Variants in CLIP1 observed in about 807,000 individuals in gnomAD.
CLIP1 encodes CAP-Gly domain-containing linker protein 1.
CLIP1 carries 66 observed loss-of-function variants against 161.6 expected under a neutral mutation model. That is an observed-to-expected ratio of 0.41 (90% CI 0.33 to 0.50). CLIP1 has a LOEUF of 0.50. Ranked by LOEUF, CLIP1 falls within the 20% of genes least tolerant of loss-of-function variation. The pLI is 0.27. For missense variants in CLIP1, 1,376 were observed against 1,702.0 expected, an observed-to-expected ratio of 0.81 and a Z score of 3.37; for synonymous variants, 598 against 626.2, an observed-to-expected ratio of 0.96 and a Z score of 0.67.
At chr12:122,352,672 G>A (rs371526799) in intron 8 of CLIP1, 54 bp downstream of exon 8, 26 of 1,432,028 alleles carry the variant, frequency 1.8e-5, no homozygotes, top group African/African-American at 7.0e-5. Context: ...TATTTCGCCC[G>A]TGTTCTGAAT....
In CLIP1 at chr12:122,377,706, A is replaced by C. The variant is rs1954813470; in HGVS notation, c.340T>G (p.Leu114Val). Residue 114 changes from leucine to valine, a missense_variant, in exon 3 of 26, where the codon TTA (leucine) becomes GTA (valine). By Grantham distance (32) the Leu-to-Val change is conservative (BLOSUM62 1). Around this residue, in one of 6 missense-constraint regions of CLIP1, gnomAD observed 119 missense variants for 112.0 expected, o/e 1.06. Coordinates refer to ENST00000620786, the MANE Select transcript of CLIP1 (RefSeq NM_001247997.2). The stretch of plus-strand genomic sequence containing the variant: ...GAAGGTCGGGTAAATATGCCCTTTA[A>C]AGGTTCACACTGGAAATACCGAACT... Reference protein sequence around the residue: ...AGVRYFQCEPLKGIFTRPSKL... With the variant: ...AGVRYFQCEPVKGIFTRPSKL... The C allele has an allele frequency of 6.2e-7, 1 of 1,613,598 alleles. No homozygotes were observed. The highest frequency in any genetic ancestry group is 1.3e-5 in the African/African-American group (1 of 74,806).
At chr12:122,413,576 T>C (rs1226696665) in intron 1 of CLIP1, among the ~76,000 whole-genome samples, 1 of 152,182 alleles carries the variant, frequency 6.6e-6, no homozygotes, top group Non-Finnish European at 1.5e-5. Flanking sequence ...AAGTCGGAAG[T>C]ATTTTAGAGC....
intron 1 of CLIP1, among the ~76,000 whole-genome samples, chr12:122,415,160 AC>A (rs768409802): frequency 2.5e-4 from 38 of 152,308 alleles, no homozygotes; most frequent in Non-Finnish European, 5.0e-4. Context: ...CTTGGCAAAT[AC>A]TGACGACTGA....
intron 1 of CLIP1, among the ~76,000 whole-genome samples, chr12:122,410,857 A>G (rs983942811): frequency 1.3e-5 from 2 of 152,208 alleles, no homozygotes; most frequent in African/African-American, 2.4e-5. Context: ...AGGATGTTCA[A>G]TATTACTAGC....
intron 8 of CLIP1, among the ~76,000 whole-genome samples, chr12:122,352,353 G>A (rs534157118): frequency 1.3e-5 from 2 of 152,142 alleles, no homozygotes; most frequent in African/African-American, 2.4e-5. Flanking sequence ...CACCGCACCC[G>A]GCCTGTTATG....
At chr12:122,387,576 ATATATATATATATATTTTTTT>A (rs1469654184) in intron 1 of CLIP1, among the ~76,000 whole-genome samples, 2 of 3,100 alleles carry the variant, frequency 6.5e-4, no homozygotes, top group African/African-American at 1.1e-3. Flanking sequence ...ATATATATAT[ATATATATATATATATTTTTTT>A]TTTTTTTTTT....
intron 3 of CLIP1, chr12:122,364,705 C>A: frequency 1.9e-6 from 1 of 516,030 alleles, no homozygotes; most frequent in Non-Finnish European, 3.8e-6. Context: ...ACTCTTGGAC[C>A]TCACTTTATT....
intron 3 of CLIP1, among the ~76,000 whole-genome samples, chr12:122,369,627 G>A (rs756090498): frequency 6.6e-6 from 1 of 151,628 alleles, no homozygotes; most frequent in South Asian, 2.1e-4. Context: ...GGGAGAAATG[G>A]ACAATAAGCA....
At chr12:122,363,733 A>G (rs1953992373) in intron 4 of CLIP1, among the ~76,000 whole-genome samples, 1 of 151,048 alleles carries the variant, frequency 6.6e-6, no homozygotes, top group Non-Finnish European at 1.5e-5. Flanking sequence ...GGTATTTCCT[A>G]TTTTGAAAAA....
intron 1 of CLIP1, among the ~76,000 whole-genome samples, chr12:122,381,113 T>C (rs1954993582): frequency 6.6e-6 from 1 of 152,112 alleles, no homozygotes. Flanking sequence ...ATATATCTAA[T>C]GTTCTTAGCT....
chr12:122,309,232 T>C (rs575115669), intron 20 of CLIP1, among the ~76,000 whole-genome samples: 1 of 152,230 alleles, frequency 6.6e-6, no homozygotes, highest in South Asian at 2.1e-4. Context: ...TAACATATAT[T>C]CTATATTTAC....
rs1180616358 is a variant in CLIP1, at chr12:122,360,969, C to T, written c.995G>A (p.Arg332Gln). The T allele has an allele frequency of 5.6e-6, 9 of 1,612,260 alleles. No homozygotes were observed. The highest frequency in any genetic ancestry group is 1.3e-5 in the African/African-American group (1 of 75,046). The change falls in exon 5 of 26, where the codon CGG becomes CAG. Residue 332 changes from arginine to glutamine, a missense_variant. Arg to Gln is a conservative substitution (Grantham distance 43). Coordinates refer to ENST00000620786, the MANE Select transcript of CLIP1 (RefSeq NM_001247997.2). ...VASSVSSRPS[R>Q]TGLLTETSSR... ...AGAAAGGGGCCTTACTAGTCCTGTC[C>T]GACTGGGCCTGCTGCTCACAGAGGA...
chr12:122,296,530 G>A (rs1452414823), intron 20 of CLIP1, among the ~76,000 whole-genome samples: 2 of 152,140 alleles, frequency 1.3e-5, no homozygotes, highest in African/African-American at 4.8e-5. Context: ...TGGCAATGAA[G>A]AGGAGTAATA....
chr12:122,330,140 A>G (rs1191668906), intron 15 of CLIP1, among the ~76,000 whole-genome samples: 1 of 152,110 alleles, frequency 6.6e-6, no homozygotes, highest in Non-Finnish European at 1.5e-5. Context: ...AAAACAAAAA[A>G]CACGGGATGT....
chr12:122,420,266 A>G (rs920787268), intron 1 of CLIP1, among the ~76,000 whole-genome samples: 1 of 151,386 alleles, frequency 6.6e-6, no homozygotes, highest in African/African-American at 2.4e-5. Flanking sequence ...AATCGCTTGA[A>G]CCCAGTAGGC....
At chr12:122,401,423 T>C (rs1956138119) in intron 1 of CLIP1, among the ~76,000 whole-genome samples, 1 of 151,964 alleles carries the variant, frequency 6.6e-6, no homozygotes, top group Non-Finnish European at 1.5e-5. Flanking sequence ...CCTAGCACTT[T>C]GGGAGGCCAA....
chr12:122,278,937 T>C lies in CLIP1; in HGVS notation c.3771A>G (p.Thr1257=), dbSNP rs1955539047. 1 of 1,607,300 alleles carries C rather than the reference T, an allele frequency of 6.2e-7. No individual in the cohort carries two copies. Among genetic ancestry groups the C allele is most frequent in the East Asian group, 2.2e-5 (1 of 44,722 alleles). The change falls in exon 23 of 26, where the codon ACA becomes ACG. Residue 1257 remains threonine (T), a synonymous_variant. Transcript: ENST00000620786. Reference sequence around the variant, plus strand: ...CAGAGGCGTTTTCTCCCCTGAGCACTGTGACCTGAAACACAGTTGTTTAGC... The same window carrying C: ...CAGAGGCGTTTTCTCCCCTGAGCACCGTGACCTGAAACACAGTTGTTTAGC... ...AELEKLRNEV[T]VLRGENASAK... is the part of the protein sequence containing the mutation.
intron 1 of CLIP1, among the ~76,000 whole-genome samples, chr12:122,399,128 TAAA>T (rs1956051664): frequency 6.6e-6 from 1 of 152,024 alleles, no homozygotes; most frequent in South Asian, 2.1e-4. Flanking sequence ...TTCAAATAAA[TAAA>T]AAAGTATGAA....
At chr12:122,350,550 A>G (rs1952981859) in intron 9 of CLIP1, among the ~76,000 whole-genome samples, 1 of 152,174 alleles carries the variant, frequency 6.6e-6, no homozygotes, top group African/African-American at 2.4e-5. Flanking sequence ...AAAATATTGT[A>G]GAAACAAACA....
Sources: gnomAD v4.1 joint callset for allele counts (sites outside exome capture counted in the v4.1 genomes callset) on GRCh38, gnomAD v4.1.1 for gene constraint, gnomAD v4.1.1 regional missense constraint, MANE v1.5 for transcripts, NCBI Gene and HGNC (gene_info 2026-07-23, HGNC 2026-07-21) for gene names.